ZNF365: variants seen among roughly 807,000 people sequenced by gnomAD.
The protein encoded by ZNF365 is zinc finger protein 365.
A neutral mutation model predicts 35.0 loss-of-function variants in ZNF365; 22 were observed. The observed-to-expected ratio is 0.63, with a 90% CI of 0.45 to 0.90. ZNF365 has a LOEUF of 0.90. Ranked by LOEUF, ZNF365 falls within the 40% of genes least tolerant of loss-of-function variation. ZNF365 has a pLI of 0.00. For missense variants in ZNF365, 448 were observed against 500.3 expected, an observed-to-expected ratio of 0.90 and a Z score of 1.00; for synonymous variants, 188 against 196.2, an observed-to-expected ratio of 0.96 and a Z score of 0.35.
At chr10:62,376,966 C>G in intron 2 of ZNF365, 30 bp downstream of exon 2, 6 of 1,591,254 alleles carry the variant, frequency 3.8e-6, no homozygotes, top group Non-Finnish European at 5.1e-6. Context: ...GATGCTAACC[C>G]CATTGCTTTA....
intron 3 of ZNF365, among the ~76,000 whole-genome samples, chr10:62,429,144 G>T (rs1840297625): frequency 6.6e-6 from 1 of 152,148 alleles, no homozygotes; most frequent in South Asian, 2.1e-4. Flanking sequence ...CTCCATGGGA[G>T]CTTCCCAGCC....
chr10:62,390,632 A>G (rs1259799385), intron 3 of ZNF365, among the ~76,000 whole-genome samples: 2 of 152,196 alleles, frequency 1.3e-5, no homozygotes, highest in Non-Finnish European at 2.9e-5. Context: ...GTGTCGCTTT[A>G]CAATGTGACA....
intron 3 of ZNF365, among the ~76,000 whole-genome samples, chr10:62,451,912 AG>A (rs1281310213): frequency 5.3e-5 from 8 of 152,218 alleles, no homozygotes; most frequent in Admixed American, 3.3e-4. Flanking sequence ...TTCTGAATTC[AG>A]GATGGATATT....
chr10:62,446,577 A>T (rs1200993206), intron 3 of ZNF365, among the ~76,000 whole-genome samples: 1 of 147,582 alleles, frequency 6.8e-6, no homozygotes, highest in Admixed American at 6.9e-5. Flanking sequence ...AAACAGCAAC[A>T]GTTTCAGATA....
At chr10:62,450,727 G>T (rs1840667879) in intron 3 of ZNF365, among the ~76,000 whole-genome samples, 1 of 152,198 alleles carries the variant, frequency 6.6e-6, no homozygotes, top group South Asian at 2.1e-4. Context: ...CAGGTGACCA[G>T]CTGATATGGC....
chr10:62,392,358 T>G (rs980520768), intron 3 of ZNF365, among the ~76,000 whole-genome samples: 5 of 152,216 alleles, frequency 3.3e-5, no homozygotes, highest in Admixed American at 6.5e-5. Flanking sequence ...CTTCTAGAAT[T>G]TGTATGGTTT....
rs1214637819 is a variant in ZNF365 at position 62,398,764 on chromosome 10, A to G, written c.949A>G (p.Lys317Glu). Reference protein sequence around the residue: ...HVLTDISSNRKPKCLSRGHPH... With the variant: ...HVLTDISSNREPKCLSRGHPH... Reference sequence around the variant, plus strand: ...GCTTACAGACATCTCCTCAAATAGGAAGCCCAAATGCCTGTATGTATGTAT... The same window carrying G: ...GCTTACAGACATCTCCTCAAATAGGGAGCCCAAATGCCTGTATGTATGTAT... The change falls in exon 4 of 5, where the codon AAG (lysine) becomes GAG (glutamate). Residue 317 changes from lysine to glutamate, a missense_variant. Around this residue, in one of 3 missense-constraint regions of ZNF365, gnomAD observed 362 missense variants for 375.7 expected, o/e 0.96. Coordinates refer to ENST00000395254, the MANE Select transcript of ZNF365 (RefSeq NM_014951.3). 6.2e-7 allele frequency: 1 copy of G among 1,612,638 alleles called. No individual in the cohort carries two copies. The highest frequency in any genetic ancestry group is 1.3e-5 in the African/African-American group (1 of 74,896).
At chr10:62,478,735 G>A (rs1413934783) in intron 4 of ZNF365, among the ~76,000 whole-genome samples, 2 of 152,040 alleles carry the variant, frequency 1.3e-5, no homozygotes, top group Non-Finnish European at 2.9e-5. Context: ...CACTACACCC[G>A]GCTAATTTTT....
chr10:62,403,893 T>G (rs1839868174), downstream of ZNF365, among the ~76,000 whole-genome samples: 1 of 152,214 alleles, frequency 6.6e-6, no homozygotes, highest in African/African-American at 2.4e-5. Flanking sequence ...AGGGGTGGCA[T>G]GCCTGCATGA....
intron 3 of ZNF365, among the ~76,000 whole-genome samples, chr10:62,428,964 T>G (rs1250765776): frequency 6.6e-6 from 1 of 152,204 alleles, no homozygotes; most frequent in East Asian, 1.9e-4. Context: ...GCTATCAGTG[T>G]GCAGTCACTA....
Position 62,401,890 on chromosome 10 carries a change from T to G in ZNF365, c.*2101T>G. 1 of 985,412 alleles carries G rather than the reference T, an allele frequency of 1.0e-6. No homozygotes were observed. The highest frequency in any genetic ancestry group is 1.2e-6 in the Non-Finnish European group (1 of 829,798). 61.0% of individuals were successfully genotyped at this position (985,412 alleles called of 1,614,324 possible). ...CTACTCTACATTTCACAAGACGAAT[T>G]ATTTTGAGATTTGTTTATTATATTA... On this transcript the variant is annotated 3_prime_UTR_variant, in exon 5 of 5. Transcript: ENST00000395254.
intron 3 of ZNF365, among the ~76,000 whole-genome samples, chr10:62,454,934 G>C (rs1480281144): frequency 1.3e-5 from 2 of 152,168 alleles, no homozygotes; most frequent in Non-Finnish European, 2.9e-5. Flanking sequence ...TGCAAAGTTA[G>C]GCACATCTTG....
At chr10:62,480,085 T>C (rs1429117365) in exon 5 of ZNF365, 2 of 1,321,138 alleles carry the variant, frequency 1.5e-6, no homozygotes, top group Non-Finnish European at 2.0e-6. Flanking sequence ...TCCTGATGGA[T>C]GAGCTCCAGG....
At chr10:62,463,289 T>C (rs896372170) in intron 4 of ZNF365, among the ~76,000 whole-genome samples, 1 of 152,250 alleles carries the variant, frequency 6.6e-6, no homozygotes. Context: ...CCTCACCTTC[T>C]TGTCAAAGCC....
intron 3 of ZNF365, among the ~76,000 whole-genome samples, chr10:62,409,178 G>T (rs939288391): frequency 6.6e-6 from 1 of 152,130 alleles, no homozygotes; most frequent in African/African-American, 2.4e-5. Flanking sequence ...AACTTAAAGA[G>T]GTAGGATGTG....
intron 2 of ZNF365, among the ~76,000 whole-genome samples, chr10:62,384,331 T>C (rs1274476690): frequency 1.3e-5 from 2 of 152,246 alleles, no homozygotes; most frequent in Non-Finnish European, 2.9e-5. Flanking sequence ...TTCTGTCCGA[T>C]AGCATCATAT....
chr10:62,397,029 GC>G (rs1231696245), intron 3 of ZNF365, among the ~76,000 whole-genome samples: 6 of 152,372 alleles, frequency 3.9e-5, no homozygotes, highest in African/African-American at 1.4e-4. Flanking sequence ...GAAAGTTGAT[GC>G]CAGTGCCTTT....
At chr10:62,415,355 G>A (rs12256528) in intron 3 of ZNF365, among the ~76,000 whole-genome samples, 95,732 of 151,894 alleles carry the variant, frequency 0.63, 30,851 homozygotes, top group East Asian at 0.84. Context: ...TATTTAAAGT[G>A]ATTAGGGTTT....
downstream of ZNF365, among the ~76,000 whole-genome samples, chr10:62,403,129 TTAACACATATTTTGTATG>T (rs1839855759): frequency 6.6e-6 from 1 of 152,204 alleles, no homozygotes. Context: ...GATAACATAG[TTAACACATATTTTGTATG>T]TTAAATGTAT....
Sources: allele counts gnomAD v4.1 joint callset (sites outside exome capture counted in the v4.1 genomes callset), GRCh38; gene constraint gnomAD v4.1.1; regional missense constraint gnomAD v4.1.1; transcripts MANE v1.5; gene names NCBI Gene and HGNC (gene_info 2026-07-23, HGNC 2026-07-21).